PCDHA1: variants seen among roughly 807,000 people sequenced by gnomAD.
The protein encoded by PCDHA1 is protocadherin alpha-1.
In PCDHA1, 42 loss-of-function variants were observed where a neutral mutation model predicts 61.3. The observed-to-expected ratio is 0.69, with a 90% CI of 0.54 to 0.89. PCDHA1 has a LOEUF of 0.89. Among genes scored for constraint, PCDHA1 ranks in the 40% least tolerant of loss-of-function variants. The pLI is 0.00. For missense variants in PCDHA1, 1,256 were observed against 1,235.3 expected (o/e 1.02, Z -0.25); for synonymous variants, 610 against 553.8 (o/e 1.10, Z -1.43).
Position 140,851,725 on chromosome 5 carries a change from G to A in PCDHA1, c.2394+63041G>A. On this transcript the variant is annotated intron_variant, in intron 1 of 3. Coordinates refer to ENST00000504120, the MANE Select transcript of PCDHA1 (RefSeq NM_018900.4). The stretch of plus-strand genomic sequence containing the variant: ...GCCATGTGAAGATTCGAAACTTCGA[G>A]TTCTTTTGAAATTCAGAGTCTGTAA... 2.1e-6 allele frequency: 2 copies of A among 968,614 alleles called. 1 individual carries two copies. The highest frequency in any genetic ancestry group is 9.6e-5 in the South Asian group (2 of 20,926). The allele number at this position is 968,614 out of a possible 1,614,324, so 60.0% of individuals were successfully genotyped here.
At chr5:140,809,382 G>A (rs1554125176) in intron 1 of PCDHA1, 3 of 1,614,046 alleles carry the variant, frequency 1.9e-6, no homozygotes, top group East Asian at 4.5e-5. Context: ...GAGGGCGCGT[G>A]CGCTCCGGGC....
At chr5:140,795,100 G>A (rs1761914893) in intron 1 of PCDHA1, 3 of 1,613,910 alleles carry the variant, frequency 1.9e-6, no homozygotes, top group Non-Finnish European at 2.5e-6. Context: ...CACCTTCGTG[G>A]GCCGCATCGC....
At chr5:140,795,136 G>T in intron 1 of PCDHA1, 4 of 1,614,088 alleles carry the variant, frequency 2.5e-6, no homozygotes, top group Non-Finnish European at 2.5e-6. Flanking sequence ...GGAGCTGGAG[G>T]AGCTGGTGCC....
intron 1 of PCDHA1, among the ~76,000 whole-genome samples, chr5:140,921,878 A>C (rs2153562324): frequency 6.6e-6 from 1 of 152,204 alleles, no homozygotes; most frequent in South Asian, 2.1e-4. Context: ...TATATATATA[A>C]GATTTTAGAA....
intron 3 of PCDHA1, among the ~76,000 whole-genome samples, chr5:140,991,199 C>G (rs1554252002): frequency 6.6e-6 from 1 of 152,150 alleles, no homozygotes; most frequent in East Asian, 1.9e-4. Context: ...CAATGATGCT[C>G]AATAAATTTT....
At chr5:140,863,397 C>T in intron 1 of PCDHA1, 1 of 873,170 alleles carries the variant, frequency 1.1e-6, no homozygotes, top group Admixed American at 1.9e-5. Flanking sequence ...GCATGCCGGG[C>T]AAGCCCACGC....
Position 140,982,684 on chromosome 5 carries a change from T to C in PCDHA1, c.2542+121T>C. Reference sequence around the variant, plus strand: ...TTTTATATTTTTGTTATTCCCTTTTTTCCATACATACATGATTTCCTTACA... The same window carrying C: ...TTTTATATTTTTGTTATTCCCTTTTCTCCATACATACATGATTTCCTTACA... On this transcript the variant is annotated intron_variant, in intron 3 of 3. Transcript: ENST00000504120. The C allele has an allele frequency of 2.8e-6, 4 of 1,425,176 alleles. No individual in the cohort carries two copies. In the South Asian group the frequency reaches 6.0e-5, roughly 21 times the overall value. 88.3% of individuals were successfully genotyped at this position (1,425,176 alleles called of 1,614,324 possible).
At chr5:141,007,395 C>CAAAAAAAAAAAAA (rs35800918) in intron 3 of PCDHA1, among the ~76,000 whole-genome samples, 1 of 94,866 alleles carries the variant, frequency 1.1e-5, no homozygotes. Flanking sequence ...TACTAAAATA[C>CAAAAAAAAAAAAA]AAAAAAAAAA....
At chr5:140,808,420 T>TGCCCTGGACCGC in intron 1 of PCDHA1, 1 of 1,614,142 alleles carries the variant, frequency 6.2e-7, no homozygotes. Flanking sequence ...TGCTGGACAG[T>TGCCCTGGACCGC]GCCCTGGACC....
intron 1 of PCDHA1, chr5:140,835,965 C>G (rs1422136448): frequency 1.2e-6 from 2 of 1,613,074 alleles, no homozygotes; most frequent in African/African-American, 1.3e-5. Flanking sequence ...CCACGAGGAG[C>G]TGGAGCTGTT....
chr5:140,949,521 T>C (rs2094388357), intron 1 of PCDHA1, among the ~76,000 whole-genome samples: 1 of 151,932 alleles, frequency 6.6e-6, no homozygotes, highest in East Asian at 1.9e-4. Flanking sequence ...TTGATCCTTT[T>C]ATCTTCATAA....
chr5:140,819,291 G>A (rs2150103686), intron 1 of PCDHA1, among the ~76,000 whole-genome samples: 6 of 152,022 alleles, frequency 3.9e-5, no homozygotes, highest in Non-Finnish European at 8.8e-5. Context: ...GAAAAATATA[G>A]CTTATTAAAA....
At chr5:140,857,947 G>A in intron 1 of PCDHA1, 4 of 1,597,414 alleles carry the variant, frequency 2.5e-6, no homozygotes, top group Non-Finnish European at 2.6e-6. Context: ...TCAGTACGAC[G>A]CGCGCTCTGG....
intron 1 of PCDHA1, among the ~76,000 whole-genome samples, chr5:140,932,861 G>A (rs1554209099): frequency 6.6e-6 from 1 of 151,858 alleles, no homozygotes; most frequent in Non-Finnish European, 1.5e-5. Flanking sequence ...ATGACTTATT[G>A]TCTTTTGTTG....
chr5:140,970,425 C>T (rs1554232453), intron 1 of PCDHA1, among the ~76,000 whole-genome samples: 1 of 151,722 alleles, frequency 6.6e-6, no homozygotes, highest in Non-Finnish European at 1.5e-5. Flanking sequence ...GGTGTAGAGG[C>T]AGGTGTTAGT....
chr5:140,909,255 C>G (rs1583695279), intron 1 of PCDHA1, among the ~76,000 whole-genome samples: 1 of 152,210 alleles, frequency 6.6e-6, no homozygotes, highest in African/African-American at 2.4e-5. Context: ...GCTGGCCTTG[C>G]TGACTGAAGG....
intron 1 of PCDHA1, chr5:140,865,219 G>C (rs2048775576): frequency 6.6e-6 from 1 of 152,062 alleles, no homozygotes; most frequent in Admixed American, 6.5e-5. Context: ...TTTCTTTAAA[G>C]GGATCCCAGA....
chr5:140,882,157 C>G, intron 1 of PCDHA1: 5 of 1,504,750 alleles, frequency 3.3e-6, no homozygotes, highest in Non-Finnish European at 8.9e-7. Flanking sequence ...AAGCGGAATA[C>G]CTCTTGCGAA....
intron 1 of PCDHA1, chr5:140,869,875 G>C: frequency 1.2e-6 from 2 of 1,610,396 alleles, no homozygotes. Flanking sequence ...TGCTGCTAAA[G>C]AAACTCTTGT....
Sources: allele counts gnomAD v4.1 joint callset (sites outside exome capture counted in the v4.1 genomes callset), GRCh38; gene constraint gnomAD v4.1.1; transcripts MANE v1.5; gene names NCBI Gene and HGNC (gene_info 2026-07-23, HGNC 2026-07-21).